The following WIPF3 variants were observed in gnomAD, a reference collection of about 807,000 sequenced individuals.
WIPF3 encodes WAS/WASL interacting protein family member 3.
WIPF3 carries 33 observed loss-of-function variants against 38.9 expected under a neutral mutation model. The ratio of observed to expected loss-of-function variants is 0.85; its 90% CI spans 0.64 to 1.14. WIPF3 has a LOEUF of 1.14. Among genes scored for constraint, WIPF3 ranks in the 50% most tolerant of loss-of-function variants. WIPF3 has a pLI of 0.00. For synonymous variants in WIPF3, 324 were observed against 269.3 expected, an observed-to-expected ratio of 1.20 and a Z score of -1.99; for missense variants, 711 against 652.5, an observed-to-expected ratio of 1.09 and a Z score of -0.98.
intron 8 of WIPF3, among the ~76,000 whole-genome samples, chr7:29,911,514 C>A (rs1422701509): frequency 6.6e-6 from 1 of 151,986 alleles, no homozygotes; most frequent in Non-Finnish European, 1.5e-5. Context: ...ACTCACACTT[C>A]CTATTTCAAA....
At chr7:29,871,483 T>C (rs1785496317) in intron 2 of WIPF3, among the ~76,000 whole-genome samples, 1 of 152,250 alleles carries the variant, frequency 6.6e-6, no homozygotes, top group Admixed American at 6.5e-5. Flanking sequence ...CGATAGGGTT[T>C]GGACCCTTGT....
At chr7:29,876,350 A>G (rs1178531490) in intron 3 of WIPF3, among the ~76,000 whole-genome samples, 2 of 152,058 alleles carry the variant, frequency 1.3e-5, no homozygotes, top group Non-Finnish European at 2.9e-5. Context: ...CATTTACATC[A>G]CCCCTAAAGG....
At chr7:29,832,263 T>C (rs1313499110) in intron 1 of WIPF3, among the ~76,000 whole-genome samples, 2 of 152,240 alleles carry the variant, frequency 1.3e-5, no homozygotes, top group African/African-American at 4.8e-5. Context: ...CAGTGCCTCC[T>C]GTAAAAGAAA....
intron 8 of WIPF3, chr7:29,906,098 T>C (rs1335118367): frequency 6.6e-6 from 1 of 152,112 alleles, no homozygotes; most frequent in Non-Finnish European, 1.5e-5. Context: ...AGTTACCACA[T>C]TATTAGATTA....
chr7:29,846,923 G>T (rs560873959), intron 2 of WIPF3, among the ~76,000 whole-genome samples: 90 of 152,310 alleles, frequency 5.9e-4, no homozygotes, highest in African/African-American at 2.1e-3. Flanking sequence ...AGGATGTCAA[G>T]CAAATTACTT....
chr7:29,850,963 G>T (rs1785085072), intron 2 of WIPF3, among the ~76,000 whole-genome samples: 1 of 152,176 alleles, frequency 6.6e-6, no homozygotes, highest in Non-Finnish European at 1.5e-5. Flanking sequence ...GGAATTCACT[G>T]CAATGATGCT....
At chr7:29,894,658 G>A (rs1395800848) in intron 7 of WIPF3, among the ~76,000 whole-genome samples, 1 of 151,922 alleles carries the variant, frequency 6.6e-6, no homozygotes, top group Non-Finnish European at 1.5e-5. Context: ...TGAGTTCTTC[G>A]TGGTCTGGGA....
intron 7 of WIPF3, among the ~76,000 whole-genome samples, chr7:29,896,451 C>T (rs1254450415): frequency 6.6e-6 from 1 of 151,748 alleles, no homozygotes; most frequent in Non-Finnish European, 1.5e-5. Context: ...CCCATCACTA[C>T]AAAAAAATAC....
At chr7:29,874,530 A>C (rs1785553390) in intron 2 of WIPF3, among the ~76,000 whole-genome samples, 1 of 152,192 alleles carries the variant, frequency 6.6e-6, no homozygotes, top group Admixed American at 6.5e-5. Flanking sequence ...GTGATATTTA[A>C]GCTGAAACCC....
intron 2 of WIPF3, among the ~76,000 whole-genome samples, chr7:29,839,828 T>G (rs1451576940): frequency 1.3e-5 from 2 of 152,244 alleles, no homozygotes; most frequent in African/African-American, 4.8e-5. Context: ...TGTCTATGAC[T>G]GTTTTTATGC....
At chr7:29,883,726 G>A in intron 4 of WIPF3, 124 bp from the exon 5 acceptor site, 3 of 1,338,840 alleles carry the variant, frequency 2.2e-6, no homozygotes, top group Non-Finnish European at 1.9e-6. Flanking sequence ...GTGGACACGT[G>A]CAGAAAAAGC....
In WIPF3 at chr7:29,823,728, GT is replaced by G. The variant is rs1784574979; in HGVS notation, c.-57-10937del. Reference sequence around the variant, plus strand: ...GATCGTGGGCGGTTTCTCATTATTGGTTTAGTGCCATCCCCTCATCGTTGCT... The same window carrying G: ...GATCGTGGGCGGTTTCTCATTATTGGTTAGTGCCATCCCCTCATCGTTGCT... On this transcript the variant is annotated intron_variant, in intron 1 of 8. Transcript: ENST00000242140. The surrounding 1 kb of genome is among the most constrained non-coding windows in gnomAD (Gnocchi z 4.0). Among the ~76,000 whole-genome samples, 1 of 152,184 alleles carries G rather than the reference GT, an allele frequency of 6.6e-6. No individual in the cohort carries two copies.
At chr7:29,907,470 C>T (rs1010002076) in intron 8 of WIPF3, among the ~76,000 whole-genome samples, 1 of 152,136 alleles carries the variant, frequency 6.6e-6, no homozygotes, top group Non-Finnish European at 1.5e-5. Flanking sequence ...AGTGTAATTC[C>T]TATGGGCTAT....
At chr7:29,821,467 A>AT (rs1258419067) in intron 1 of WIPF3, among the ~76,000 whole-genome samples, 7 of 151,728 alleles carry the variant, frequency 4.6e-5, no homozygotes, top group Non-Finnish European at 1.0e-4. Context: ...TAATTTTTTA[A>AT]TTTTTCTCTA....
intron 2 of WIPF3, among the ~76,000 whole-genome samples, chr7:29,843,816 C>T (rs1455093849): frequency 1.3e-5 from 2 of 152,066 alleles, no homozygotes; most frequent in Non-Finnish European, 2.9e-5. Context: ...AAAAAAAACT[C>T]CACCCACGTC....
At chr7:29,895,087 T>C (rs1413722167) in intron 7 of WIPF3, among the ~76,000 whole-genome samples, 5 of 151,828 alleles carry the variant, frequency 3.3e-5, no homozygotes, top group African/African-American at 9.7e-5. Flanking sequence ...AAGTAGCCCA[T>C]GCACCACCAC....
chr7:29,840,041 A>C (rs1784889325), intron 2 of WIPF3, among the ~76,000 whole-genome samples: 1 of 152,202 alleles, frequency 6.6e-6, no homozygotes, highest in African/African-American at 2.4e-5. Context: ...CTCTTGGCCC[A>C]CATACCTAAA....
At chr7:29,813,028 A>T (rs903947258) in intron 1 of WIPF3, among the ~76,000 whole-genome samples, 5 of 152,040 alleles carry the variant, frequency 3.3e-5, no homozygotes, top group African/African-American at 1.2e-4. Flanking sequence ...ATTAAAATCT[A>T]TTCTCTCTGC....
At position 29,894,081 on chromosome 7, in the gene WIPF3, T is replaced by C. The variant is rs537074800; in HGVS notation, c.1351+4674T>C. Among the ~76,000 whole-genome samples the C allele has an allele frequency of 1.6e-4, 25 of 152,340 alleles. No individual in the cohort carries two copies. In the South Asian group the frequency reaches 2.7e-3, roughly 16 times the overall value. On this transcript the variant is annotated intron_variant, in intron 7 of 8. Coordinates refer to ENST00000242140, the MANE Select transcript of WIPF3 (RefSeq NM_001080529.3). ...CAGGTGTGGGCTGGATTTGGTCTGC[T>C]GGTCATGTTTTGCTGATCTGCCCTA...
Sources: allele counts gnomAD v4.1 joint callset (sites outside exome capture counted in the v4.1 genomes callset), GRCh38; gene constraint gnomAD v4.1.1; non-coding constraint Gnocchi (gnomAD v3.1); transcripts MANE v1.5; gene names NCBI Gene and HGNC (gene_info 2026-07-23, HGNC 2026-07-21).